Variants in BBS9 observed in about 807,000 individuals in gnomAD.
BBS9 encodes the protein Bardet-Biedl syndrome 9.
A neutral mutation model predicts 117.7 loss-of-function variants in BBS9; 89 were observed. The observed-to-expected ratio is 0.76, with a 90% CI of 0.64 to 0.90. The LOEUF (loss-of-function observed/expected upper bound fraction) is 0.90, where lower values mean the gene tolerates loss of function less well. BBS9 is among the 40% of genes least tolerant of loss of function. BBS9 has a pLI of 0.00. For synonymous variants in BBS9, 379 were observed against 370.9 expected, an observed-to-expected ratio of 1.02 and a Z score of -0.25; for missense variants, 982 against 1,042.2, an observed-to-expected ratio of 0.94 and a Z score of 0.80.
chr7:33,460,217 T>C (rs1839256426), intron 19 of BBS9, among the ~76,000 whole-genome samples: 1 of 152,142 alleles, frequency 6.6e-6, no homozygotes, highest in African/African-American at 2.4e-5. Flanking sequence ...TATTGTGATT[T>C]ACGTTAAACT....
At chr7:33,235,014 T>C (rs1352910561) in intron 5 of BBS9, among the ~76,000 whole-genome samples, 1 of 152,076 alleles carries the variant, frequency 6.6e-6, no homozygotes, top group East Asian at 1.9e-4. Flanking sequence ...ATGTGACAAG[T>C]ATATTTTAGC....
At chr7:33,537,360 C>T (rs987693311) in intron 21 of BBS9, among the ~76,000 whole-genome samples, 2 of 152,164 alleles carry the variant, frequency 1.3e-5, no homozygotes, top group African/African-American at 4.8e-5. Flanking sequence ...GTGGGAATTA[C>T]CTTATGAACT....
intron 3 of BBS9, 118 bp downstream of exon 3, chr7:33,152,969 G>A (rs1008841963): frequency 6.8e-6 from 8 of 1,173,086 alleles, no homozygotes; most frequent in Non-Finnish European, 9.9e-6. Context: ...TCTGGATATT[G>A]TCACCTAGGG....
At chr7:33,536,655 G>A (rs932011230) in intron 21 of BBS9, among the ~76,000 whole-genome samples, 6 of 18,988 alleles carry the variant, frequency 3.2e-4, no homozygotes, top group Non-Finnish European at 5.6e-4. Context: ...GCCTCCTCCT[G>A]TGTAAGCTGT....
intron 21 of BBS9, among the ~76,000 whole-genome samples, chr7:33,546,929 A>G (rs1484476390): frequency 6.6e-6 from 1 of 152,180 alleles, no homozygotes; most frequent in Non-Finnish European, 1.5e-5. Context: ...GTTGGATTGT[A>G]TTCTATTCTT....
At chr7:33,209,017 C>T (rs186777440) in intron 5 of BBS9, among the ~76,000 whole-genome samples, 16 of 152,234 alleles carry the variant, frequency 1.1e-4, no homozygotes, top group African/African-American at 3.8e-4. Flanking sequence ...TATAGTCATC[C>T]TATTATGCTA....
At chr7:33,344,657 G>A in intron 12 of BBS9, 23 bp downstream of exon 12, 1 of 1,606,090 alleles carries the variant, frequency 6.2e-7, no homozygotes, top group Non-Finnish European at 8.5e-7. Flanking sequence ...ATTTTAGACT[G>A]TAATGTGCAA....
At chr7:33,452,371 G>T (rs555965876) in intron 19 of BBS9, among the ~76,000 whole-genome samples, 78 of 152,012 alleles carry the variant, frequency 5.1e-4, no homozygotes, top group South Asian at 1.9e-3. Context: ...CTGAAATTCA[G>T]CCCTTCTTTT....
At chr7:33,473,260 A>G (rs1464694534) in intron 19 of BBS9, among the ~76,000 whole-genome samples, 2 of 152,240 alleles carry the variant, frequency 1.3e-5, no homozygotes, top group Admixed American at 6.5e-5. Context: ...TTTAAATAAT[A>G]TCATTCAAAT....
At chr7:33,416,647 G>A (rs1006637265) in intron 19 of BBS9, among the ~76,000 whole-genome samples, 1 of 152,126 alleles carries the variant, frequency 6.6e-6, no homozygotes, top group Non-Finnish European at 1.5e-5. Flanking sequence ...CACCATGCCT[G>A]GCCATTGAAG....
At chr7:33,531,404 G>C (rs564351835) in intron 20 of BBS9, among the ~76,000 whole-genome samples, 4 of 152,128 alleles carry the variant, frequency 2.6e-5, no homozygotes, top group Non-Finnish European at 5.9e-5. Context: ...AGGCCAGGCT[G>C]GCAGGAGAAT....
intron 9 of BBS9, among the ~76,000 whole-genome samples, chr7:33,333,110 T>C (rs1814489422): frequency 6.6e-6 from 1 of 152,150 alleles, no homozygotes; most frequent in Admixed American, 6.5e-5. Flanking sequence ...TTTGCTTACA[T>C]GGATAAGTTC....
At chr7:33,344,728 A>C in intron 12 of BBS9, 94 bp downstream of exon 12, 1 of 1,289,346 alleles carries the variant, frequency 7.8e-7, no homozygotes, top group Non-Finnish European at 1.1e-6. Context: ...GCTTACAGAA[A>C]TGTAAAATAA....
At chr7:33,202,771 A>G (rs1786116717) in intron 5 of BBS9, among the ~76,000 whole-genome samples, 1 of 152,172 alleles carries the variant, frequency 6.6e-6, no homozygotes, top group South Asian at 2.1e-4. Flanking sequence ...CTCCTCCAAC[A>G]TTGGGGATTA....
intron 17 of BBS9, among the ~76,000 whole-genome samples, chr7:33,378,259 A>G (rs1329211555): frequency 3.3e-5 from 5 of 152,232 alleles, no homozygotes; most frequent in African/African-American, 9.7e-5. Flanking sequence ...CACTAGAATG[A>G]GGACTAGGAT....
intron 21 of BBS9, among the ~76,000 whole-genome samples, chr7:33,555,284 C>T (rs912256534): frequency 6.6e-6 from 1 of 152,174 alleles, no homozygotes; most frequent in African/African-American, 2.4e-5. Context: ...GTGTTGTCTT[C>T]TCCCACTCTT....
chr7:33,202,866 C>T (rs1372529195), intron 5 of BBS9, among the ~76,000 whole-genome samples: 1 of 152,216 alleles, frequency 6.6e-6, no homozygotes, highest in Non-Finnish European at 1.5e-5. Context: ...CAAAACTTAA[C>T]TTACCTGGAG....
intron 5 of BBS9, among the ~76,000 whole-genome samples, chr7:33,178,695 G>A (rs1797684226): frequency 6.6e-6 from 1 of 151,778 alleles, no homozygotes. Context: ...TGAGTTCATT[G>A]TTTAACTGTT....
intron 17 of BBS9, among the ~76,000 whole-genome samples, chr7:33,370,435 A>C (rs537442091): frequency 6.6e-6 from 1 of 152,108 alleles, no homozygotes; most frequent in Non-Finnish European, 1.5e-5. Context: ...GCACTACTGC[A>C]CTCCAACCTG....
Sources: gnomAD v4.1 joint callset for allele counts (sites outside exome capture counted in the v4.1 genomes callset) on GRCh38, gnomAD v4.1.1 for gene constraint, MANE v1.5 for transcripts, NCBI Gene and HGNC (gene_info 2026-07-23, HGNC 2026-07-21) for gene names.